The following DCDC1 variants were observed in gnomAD, a reference collection of about 807,000 sequenced individuals.
DCDC1 encodes the protein doublecortin domain containing 1, also known as doublecortin domain-containing protein 1.
A neutral mutation model predicts 178.3 loss-of-function variants in DCDC1; 200 were observed. The observed-to-expected ratio is 1.12, with a 90% CI of 1.00 to 1.26. The LOEUF is 1.26. DCDC1 is among the 50% of genes most tolerant of loss of function. DCDC1 has a pLI of 0.00. For synonymous variants in DCDC1, 690 were observed against 604.8 expected (o/e 1.14, Z -2.07); for missense variants, 1,983 against 1,749.2 (o/e 1.13, Z -2.38).
In DCDC1 at chr11:31,066,544, C is replaced by T. The variant is rs144673750; in HGVS notation, c.2299-1391G>A. Among the ~76,000 whole-genome samples the T allele has an allele frequency of 2.0e-3, 302 of 152,188 alleles. 1 individual carries two copies. The highest frequency in any genetic ancestry group is 7.0e-3 in the African/African-American group (290 of 41,520). ...ACGGCACTAAGGTACTTACATTGTT[C>T]TGGAAAAATAGATACTAAATAACTT... On this transcript the variant is annotated intron_variant, in intron 18 of 38. Transcript: ENST00000684477.
chr11:31,155,511 T>C (rs533312959), intron 9 of DCDC1, among the ~76,000 whole-genome samples: 1 of 152,330 alleles, frequency 6.6e-6, no homozygotes, highest in African/African-American at 2.4e-5. Context: ...TTATGTCACA[T>C]GTACAGAATT....
In DCDC1 at chr11:30,969,719, T is replaced by C. The variant is rs895540705; in HGVS notation, c.2592-17151A>G. 1.4e-4 allele frequency among the ~76,000 whole-genome samples: 21 copies of C among 152,362 alleles called. No homozygotes were observed. The East Asian group carries it at 4.0e-3, about 29-fold the overall frequency. ...ATATTCCTCTTTAGCTAGACTTTTTTACTACAGATTTTTTGGAGTTCATTT... is the reference window on the plus strand; with the variant it reads ...ATATTCCTCTTTAGCTAGACTTTTTCACTACAGATTTTTTGGAGTTCATTT... On this transcript the variant is annotated intron_variant, in intron 20 of 38. Coordinates refer to ENST00000684477, the MANE Select transcript of DCDC1 (RefSeq NM_001387274.1).
At chr11:31,081,093 C>T (rs1198026995) in intron 17 of DCDC1, among the ~76,000 whole-genome samples, 1 of 152,108 alleles carries the variant, frequency 6.6e-6, no homozygotes, top group Non-Finnish European at 1.5e-5. Context: ...AGGGCAGAGA[C>T]CATGTATCCT....
intron 17 of DCDC1, among the ~76,000 whole-genome samples, chr11:31,082,154 T>C (rs1957217858): frequency 6.6e-6 from 1 of 152,222 alleles, no homozygotes; most frequent in Non-Finnish European, 1.5e-5. Flanking sequence ...GGAGGAGCTA[T>C]ATTCCATCCA....
chr11:30,919,407 C>T (rs978139217), intron 25 of DCDC1, among the ~76,000 whole-genome samples: 2 of 152,170 alleles, frequency 1.3e-5, no homozygotes, highest in African/African-American at 4.8e-5. Flanking sequence ...TCTGAGAGAA[C>T]CCAATCACTT....
chr11:31,071,864 A>G (rs1956585974), intron 18 of DCDC1, among the ~76,000 whole-genome samples: 1 of 152,216 alleles, frequency 6.6e-6, no homozygotes, highest in African/African-American at 2.4e-5. Flanking sequence ...AAGTATGCTT[A>G]GAGTTAGATC....
intron 21 of DCDC1, among the ~76,000 whole-genome samples, chr11:30,940,556 C>CA (rs1203060527): frequency 6.6e-6 from 1 of 152,144 alleles, no homozygotes; most frequent in African/African-American, 2.4e-5. Flanking sequence ...TTGGTTGTCT[C>CA]AGTGATTGGC....
At chr11:30,908,116 TG>T (rs1945202368) in intron 29 of DCDC1, among the ~76,000 whole-genome samples, 1 of 151,904 alleles carries the variant, frequency 6.6e-6, no homozygotes. Flanking sequence ...TGTAAACACC[TG>T]AACCCACTCA....
intron 9 of DCDC1, among the ~76,000 whole-genome samples, chr11:31,206,678 G>T (rs983735461): frequency 6.6e-6 from 1 of 152,112 alleles, no homozygotes; most frequent in South Asian, 2.1e-4. Flanking sequence ...CCCTCCAAAA[G>T]TGCTGGGATT....
intron 20 of DCDC1, among the ~76,000 whole-genome samples, chr11:30,964,545 C>T (rs1357022070): frequency 6.6e-6 from 1 of 152,128 alleles, no homozygotes. Flanking sequence ...CTTACAAAGA[C>T]TCCCTCAGAG....
At chr11:31,087,556 A>T (rs899033748) in intron 17 of DCDC1, among the ~76,000 whole-genome samples, 2 of 152,058 alleles carry the variant, frequency 1.3e-5, no homozygotes, top group African/African-American at 4.8e-5. Context: ...CATTCAGTTC[A>T]AAATACTTGC....
intron 9 of DCDC1, among the ~76,000 whole-genome samples, chr11:31,140,772 C>T (rs1963723683): frequency 6.6e-6 from 1 of 152,096 alleles, no homozygotes; most frequent in Admixed American, 6.6e-5. Context: ...GGAAAAAAAT[C>T]CACAAAGGTG....
chr11:31,324,589 T>C (rs2137818362), intron 3 of DCDC1, among the ~76,000 whole-genome samples: 1 of 152,260 alleles, frequency 6.6e-6, no homozygotes, highest in South Asian at 2.1e-4. Flanking sequence ...AGCAGGAGTC[T>C]AAAACAGTGA....
At chr11:31,007,387 T>C (rs1187844731) in intron 20 of DCDC1, among the ~76,000 whole-genome samples, 1 of 152,144 alleles carries the variant, frequency 6.6e-6, no homozygotes, top group African/African-American at 2.4e-5. Context: ...CATTGAAGCA[T>C]GATGAGTGAG....
At chr11:31,145,818 C>A (rs1178841421) in intron 9 of DCDC1, among the ~76,000 whole-genome samples, 1 of 152,138 alleles carries the variant, frequency 6.6e-6, no homozygotes, top group African/African-American at 2.4e-5. Flanking sequence ...TGGTAAGTGC[C>A]AGCTTATTAC....
intron 8 of DCDC1, among the ~76,000 whole-genome samples, chr11:31,258,921 C>T (rs1441414543): frequency 1.3e-5 from 2 of 152,060 alleles, no homozygotes; most frequent in Non-Finnish European, 2.9e-5. Context: ...AAAGCACTGA[C>T]TCAGAAAAAG....
chr11:31,053,800 T>C (rs1448972977), intron 20 of DCDC1, among the ~76,000 whole-genome samples: 1 of 152,100 alleles, frequency 6.6e-6, no homozygotes, highest in Non-Finnish European at 1.5e-5. Context: ...CTCAGCAAAA[T>C]TGGCATATAA....
intron 9 of DCDC1, among the ~76,000 whole-genome samples, chr11:31,162,595 G>C: frequency 6.6e-6 from 1 of 151,866 alleles, no homozygotes; most frequent in East Asian, 1.9e-4. Flanking sequence ...ATATCTTCCT[G>C]GCTAAATCAT....
chr11:31,365,195 A>G (rs1951898368), intron 1 of DCDC1, among the ~76,000 whole-genome samples: 1 of 152,186 alleles, frequency 6.6e-6, no homozygotes, highest in African/African-American at 2.4e-5. Flanking sequence ...CACTCAACAA[A>G]TATTTGTCGA....
Sources: gnomAD v4.1 joint callset for allele counts (sites outside exome capture counted in the v4.1 genomes callset) on GRCh38, gnomAD v4.1.1 for gene constraint, MANE v1.5 for transcripts, NCBI Gene and HGNC (gene_info 2026-07-23, HGNC 2026-07-21) for gene names.